Variants in ITPKB observed in about 807,000 individuals in gnomAD.
ITPKB encodes IP3 3-kinase B.
ITPKB carries 13 observed loss-of-function variants against 69.4 expected under a neutral mutation model. The ratio of observed to expected loss-of-function variants is 0.19; its 90% CI spans 0.12 to 0.30. ITPKB has a LOEUF of 0.30. ITPKB is among the 10% of genes least tolerant of loss of function. The pLI, the probability that ITPKB is intolerant of heterozygous loss-of-function variation, is 1.00. For synonymous variants in ITPKB, 584 were observed against 513.7 expected (o/e 1.14, Z -1.85); for missense variants, 1,240 against 1,250.5 (o/e 0.99, Z 0.13).
At position 226,634,365 on chromosome 1, in the gene ITPKB, G is replaced by A. The variant is rs1156530846; in HGVS notation, c.*306C>T. The A allele has an allele frequency of 2.8e-6, 1 of 363,048 alleles. No homozygotes were observed. Among genetic ancestry groups the A allele is most frequent in the African/African-American group, 2.1e-5 (1 of 48,610 alleles). The allele number at this position is 363,048 out of a possible 1,614,324, so 22.5% of individuals were successfully genotyped here. ...CTTCCTAGGGGGCTCCCAGAGGCAG[G>A]GCTCATCTGGTAGGGTCCCCTCAGC... On this transcript the variant is annotated 3_prime_UTR_variant, in exon 8 of 8. Coordinates refer to ENST00000429204, the MANE Select transcript of ITPKB (RefSeq NM_002221.4). The surrounding 1 kb of genome is among the most constrained non-coding windows in gnomAD (Gnocchi z 6.3).
intron 3 of ITPKB, 61 bp from the exon 4 acceptor site, chr1:226,647,441 TC>T: frequency 2.3e-6 from 3 of 1,278,276 alleles, no homozygotes; most frequent in South Asian, 1.3e-5. Context: ...AGAGGCACCC[TC>T]CCCAGCACAG....
At chr1:226,638,763 G>A (rs981197225) in intron 6 of ITPKB, among the ~76,000 whole-genome samples, 1 of 152,072 alleles carries the variant, frequency 6.6e-6, no homozygotes, top group Non-Finnish European at 1.5e-5. Context: ...GGGCACACAA[G>A]ATGGGGACAA....
intron 4 of ITPKB, among the ~76,000 whole-genome samples, chr1:226,646,200 G>A (rs554526613): frequency 6.6e-6 from 1 of 152,328 alleles, no homozygotes; most frequent in East Asian, 1.9e-4. Context: ...CTTGGCATCT[G>A]GCCGTCCAGC....
chr1:226,687,310 G>A (rs765709758), intron 2 of ITPKB, among the ~76,000 whole-genome samples: 1 of 152,196 alleles, frequency 6.6e-6, no homozygotes, highest in Non-Finnish European at 1.5e-5. Flanking sequence ...AGAGTCATGA[G>A]TCTATGGCTT....
At chr1:226,692,259 T>C (rs571518421) in intron 2 of ITPKB, among the ~76,000 whole-genome samples, 189 of 152,186 alleles carry the variant, frequency 1.2e-3, no homozygotes, top group Admixed American at 4.4e-3. Flanking sequence ...GTTTTTTTTT[T>C]CCCCTGGTTC....
At chr1:226,649,724 C>A (rs1324043457) in intron 2 of ITPKB, among the ~76,000 whole-genome samples, 1 of 151,998 alleles carries the variant, frequency 6.6e-6, no homozygotes. Flanking sequence ...TCTGGTGGAG[C>A]CTGAGCCTCA....
intron 2 of ITPKB, among the ~76,000 whole-genome samples, chr1:226,713,319 G>A (rs1657019064): frequency 6.6e-6 from 1 of 152,168 alleles, no homozygotes; most frequent in African/African-American, 2.4e-5. Context: ...CACACCATGG[G>A]GCGAAACAGT....
intron 2 of ITPKB, among the ~76,000 whole-genome samples, chr1:226,717,732 A>T (rs896319885): frequency 6.6e-6 from 1 of 152,204 alleles, no homozygotes; most frequent in African/African-American, 2.4e-5. Flanking sequence ...GGCCTCCTAC[A>T]CACCACAGCT....
At chr1:226,688,283 G>A (rs941277855) in intron 2 of ITPKB, among the ~76,000 whole-genome samples, 4 of 152,194 alleles carry the variant, frequency 2.6e-5, no homozygotes, top group African/African-American at 9.7e-5. Flanking sequence ...TACCATGCTG[G>A]CACTGGAAAT....
Position 226,736,915 on chromosome 1 carries a change from T to G in ITPKB, c.544A>C (p.Ser182Arg). Residue 182 changes from serine to arginine, a missense_variant, in exon 2 of 8, where the codon AGC (serine) becomes CGC (arginine). Physicochemically the swap from Ser to Arg is moderately radical, Grantham distance 110 (BLOSUM62 -1). Transcript: ENST00000429204. ...ARSPSPCPFRSSSQPPGRVLV... is the reference protein window; with the variant it reads ...ARSPSPCPFRRSSQPPGRVLV... ...ACCCTTCCAGGGGGCTGACTGCTGC[T>G]GCGGAAGGGGCACGGGGAGGGCGAG... 6.2e-7 allele frequency: 1 copy of G among 1,610,550 alleles called. No homozygotes were observed. Among genetic ancestry groups the G allele is most frequent in the Non-Finnish European group, 8.5e-7 (1 of 1,179,950 alleles).
Position 226,736,442 on chromosome 1 carries a change from T to C in ITPKB, c.1017A>G (p.Pro339=), listed in dbSNP as rs1657766611. 1.1e-5 allele frequency: 17 copies of C among 1,613,476 alleles called. No individual in the cohort carries two copies. The highest frequency in any genetic ancestry group is 1.3e-5 in the Non-Finnish European group (15 of 1,180,006). ...GCCCCTGCCTCTCCACCAGGGCCTC[T>C]GGGGGCTGCAGGTCCTCAAGCTCAC... is the stretch of plus-strand genomic sequence containing the variant. ...RARELEDLQP[P]EALVERQGQF... Residue 339 remains proline, a synonymous_variant, in exon 2 of 8, where the codon CCA becomes CCG. Transcript: ENST00000429204.
At chr1:226,659,520 C>T (rs1377621795) in intron 2 of ITPKB, 2 of 152,252 alleles carry the variant, frequency 1.3e-5, no homozygotes, top group African/African-American at 2.4e-5. Flanking sequence ...CTCCCTCCTC[C>T]CTTCTGTGTA....
At chr1:226,658,764 G>A (rs1406665948) in intron 2 of ITPKB, among the ~76,000 whole-genome samples, 1 of 152,184 alleles carries the variant, frequency 6.6e-6, no homozygotes, top group Non-Finnish European at 1.5e-5. Context: ...CATGAGCGTA[G>A]GGTAGGGATT....
Position 226,736,986 on chromosome 1 carries a change from C to G in ITPKB, c.473G>C (p.Ser158Thr). Reference protein sequence around the residue: ...GMFEAHIQAQSSAIQAPRSPR... With the variant: ...GMFEAHIQAQTSAIQAPRSPR... ...GCTGCGGGGCGCTTGAATGGCGGAG[C>G]TCTGTGCCTGGATGTGCGCCTCAAA... The change falls in exon 2 of 8, where the codon AGC becomes ACC. Residue 158 changes from serine to threonine, a missense_variant. Coordinates refer to ENST00000429204, the MANE Select transcript of ITPKB (RefSeq NM_002221.4). 1 of 1,612,630 alleles carries G rather than the reference C, an allele frequency of 6.2e-7. No individual in the cohort carries two copies. The highest frequency in any genetic ancestry group is 8.5e-7 in the Non-Finnish European group (1 of 1,179,930).
At chr1:226,692,545 A>G (rs758987367) in intron 2 of ITPKB, among the ~76,000 whole-genome samples, 2 of 152,214 alleles carry the variant, frequency 1.3e-5, no homozygotes, top group African/African-American at 2.4e-5. Context: ...ACCAGGTCCA[A>G]TTCTCACCCT....
chr1:226,732,769 G>T (rs1269070289), intron 2 of ITPKB, among the ~76,000 whole-genome samples: 1 of 152,106 alleles, frequency 6.6e-6, no homozygotes, highest in Admixed American at 6.5e-5. Flanking sequence ...CTTGCTCAGT[G>T]CAATTTGATT....
At chr1:226,681,663 T>A (rs1656096577) in intron 2 of ITPKB, among the ~76,000 whole-genome samples, 1 of 152,234 alleles carries the variant, frequency 6.6e-6, no homozygotes, top group Non-Finnish European at 1.5e-5. Flanking sequence ...ATTTTTGCAT[T>A]GTGCAGATTT....
At chr1:226,656,917 A>C (rs1359777955) in intron 2 of ITPKB, 1 of 152,256 alleles carries the variant, frequency 6.6e-6, no homozygotes, top group Non-Finnish European at 1.5e-5. Context: ...CAAACCTTCC[A>C]GGCTCACTTT....
rs1668758631 is a variant in ITPKB at position 226,633,139 on chromosome 1, T to C, written c.*1532A>G. 1 of 152,162 alleles carries C rather than the reference T, an allele frequency of 6.6e-6. No individual in the cohort carries two copies. Among genetic ancestry groups the C allele is most frequent in the Non-Finnish European group, 1.5e-5 (1 of 68,022 alleles). The allele number at this position is 152,162 out of a possible 1,614,324, so 9.4% of individuals were successfully genotyped here. The stretch of plus-strand genomic sequence containing the variant: ...ATCTGTACTTATACATCCTCATGTG[T>C]CCCACCCTCCACCCCCAGCAAGTGT... On this transcript the variant is annotated 3_prime_UTR_variant, in exon 8 of 8. Transcript: ENST00000429204.
Sources: gnomAD v4.1 joint callset for allele counts (sites outside exome capture counted in the v4.1 genomes callset) on GRCh38, gnomAD v4.1.1 for gene constraint, Gnocchi (gnomAD v3.1) non-coding constraint, MANE v1.5 for transcripts, NCBI Gene and HGNC (gene_info 2026-07-23, HGNC 2026-07-21) for gene names.